The following DNAJB6 variants were observed in gnomAD, a reference collection of about 807,000 sequenced individuals.
The protein encoded by DNAJB6 is dnaJ homolog subfamily B member 6.
Under a neutral mutation model 42.7 loss-of-function variants are expected in DNAJB6, and 16 were observed. That is an observed-to-expected ratio of 0.37 (90% CI 0.25 to 0.57). DNAJB6 has a LOEUF of 0.57. DNAJB6 is among the 20% of genes least tolerant of loss of function. The pLI, the probability that DNAJB6 is intolerant of heterozygous loss-of-function variation, is 0.74. For synonymous variants in DNAJB6, 170 were observed against 163.5 expected, an observed-to-expected ratio of 1.04 and a Z score of -0.30; for missense variants, 347 against 416.8, an observed-to-expected ratio of 0.83 and a Z score of 1.46.
In DNAJB6 at chr7:157,409,848, G is replaced by T; in HGVS notation, c.745G>T (p.Ala249Ser). 4 of 1,533,534 alleles carry T rather than the reference G, an allele frequency of 2.6e-6. No homozygotes were observed. The highest frequency in any genetic ancestry group is 1.2e-5 in the South Asian group (1 of 83,842). The allele number at this position is 1,533,534 out of a possible 1,614,324, so 95.0% of individuals were successfully genotyped here. ...AEERMRRGQN[A>S]LPAQPAGLRP... ...GGAGCGCATGCGGAGAGGCCAGAAC[G>T]CCCTGCCAGCCCAGCCTGCCGGCCT... is the stretch of plus-strand genomic sequence containing the variant. The change falls in exon 9 of 10, where the codon GCC (alanine) becomes TCC (serine). Residue 249 changes from alanine (A) to serine (S), a missense_variant. Ala to Ser is a moderately conservative substitution (Grantham distance 99, BLOSUM62 1). Around this residue, in one of 3 missense-constraint regions of DNAJB6, gnomAD observed 264 missense variants for 288.0 expected, o/e 0.92. Transcript: ENST00000262177.
At chr7:157,365,109 G>T (rs1799780430) in intron 3 of DNAJB6, among the ~76,000 whole-genome samples, 1 of 152,212 alleles carries the variant, frequency 6.6e-6, no homozygotes, top group African/African-American at 2.4e-5. Context: ...GTGCCACTGT[G>T]CCCAGCTAAC....
chr7:157,385,097 A>G, intron 7 of DNAJB6, 89 bp downstream of exon 7: 1 of 1,393,724 alleles, frequency 7.2e-7, no homozygotes, highest in Non-Finnish European at 9.8e-7. Flanking sequence ...AGTGTGAAGT[A>G]GAGGTTGTTG....
In DNAJB6 at chr7:157,384,868, A is replaced by G. The variant is rs765049789; in HGVS notation, c.480A>G (p.Gly160=). 1.9e-6 allele frequency: 3 copies of G among 1,610,356 alleles called. No homozygotes were observed. The highest frequency in any genetic ancestry group is 8.5e-7 in the Non-Finnish European group (1 of 1,179,070). Reference sequence around the variant, plus strand: ...TTTTTCTTTTCTGTTTTCCTGTAGGATTTACTTCATTTGGGTCACTAGGTC... The same window carrying G: ...TTTTTCTTTTCTGTTTTCCTGTAGGGTTTACTTCATTTGGGTCACTAGGTC... ...FGSGFSSFDT[G]FTSFGSLGHG... The change falls in exon 7 of 10, where the codon GGA becomes GGG. Residue 160 remains glycine, a splice_region_variant and synonymous_variant. Coordinates refer to ENST00000262177, the MANE Select transcript of DNAJB6 (RefSeq NM_058246.4).
intron 1 of DNAJB6, among the ~76,000 whole-genome samples, chr7:157,342,688 C>G (rs929305011): frequency 2.0e-5 from 3 of 151,858 alleles, no homozygotes; most frequent in Non-Finnish European, 4.4e-5. Context: ...AACTTGTGAC[C>G]TCAATCCACC....
chr7:157,389,075 AC>A (rs1189174882), intron 8 of DNAJB6, among the ~76,000 whole-genome samples: 1 of 152,202 alleles, frequency 6.6e-6, no homozygotes, highest in Admixed American at 6.5e-5. Flanking sequence ...TGCTAAACTT[AC>A]CTGTGCACCT....
intron 6 of DNAJB6, 82 bp from the exon 7 acceptor site, chr7:157,384,785 G>A (rs1800969918): frequency 7.4e-7 from 1 of 1,342,744 alleles, no homozygotes; most frequent in African/African-American, 1.5e-5. Context: ...TAAATATTCT[G>A]CTACTGAACT....
intron 1 of DNAJB6, among the ~76,000 whole-genome samples, chr7:157,343,814 A>G (rs1798544513): frequency 6.6e-6 from 1 of 152,104 alleles, no homozygotes; most frequent in African/African-American, 2.4e-5. Context: ...GGAGAAGGTT[A>G]TTTTTGATTA....
intron 5 of DNAJB6, among the ~76,000 whole-genome samples, chr7:157,369,972 T>TTAACATCATTATTAAACAGGCCTTTCA (rs1379945835): frequency 6.1e-5 from 9 of 148,630 alleles, no homozygotes; most frequent in Non-Finnish European, 1.2e-4. Context: ...GGGCCCTTTC[T>TTAACATCATTATTAAACAGGCCTTTCA]TAACATTATT....
chr7:157,349,517 C>G (rs1450700578), intron 1 of DNAJB6, among the ~76,000 whole-genome samples: 1 of 151,812 alleles, frequency 6.6e-6, no homozygotes, highest in African/African-American at 2.4e-5. Flanking sequence ...GAGTCTTGCT[C>G]GGTCACCCAG....
At chr7:157,340,213 G>A (rs1241724636) in intron 1 of DNAJB6, among the ~76,000 whole-genome samples, 1 of 152,186 alleles carries the variant, frequency 6.6e-6, no homozygotes, top group Non-Finnish European at 1.5e-5. Context: ...GCGTTTTTTG[G>A]AAACCTTTTT....
intron 5 of DNAJB6, among the ~76,000 whole-genome samples, chr7:157,368,051 G>A (rs1368655431): frequency 1.3e-5 from 2 of 152,096 alleles, no homozygotes; most frequent in Admixed American, 6.6e-5. Context: ...ATTTCCTTGA[G>A]CCTGGGAGGT....
At chr7:157,373,692 G>A (rs961904474) in intron 5 of DNAJB6, among the ~76,000 whole-genome samples, 2 of 152,200 alleles carry the variant, frequency 1.3e-5, no homozygotes, top group African/African-American at 4.8e-5. Flanking sequence ...TAGGGGTCAA[G>A]TACAGGCATG....
chr7:157,349,656 A>AT (rs1173114989), intron 1 of DNAJB6, among the ~76,000 whole-genome samples: 29 of 151,584 alleles, frequency 1.9e-4, no homozygotes, highest in African/African-American at 1.7e-4. Context: ...TAATTATTTT[A>AT]TTTTTTGAGA....
chr7:157,342,314 C>T (rs896317790), intron 1 of DNAJB6, among the ~76,000 whole-genome samples: 10 of 146,922 alleles, frequency 6.8e-5, no homozygotes, highest in Admixed American at 2.8e-4. Flanking sequence ...ATTACAGGCA[C>T]GTGCCACTAT....
At chr7:157,385,482 A>T in intron 7 of DNAJB6, 59 bp from the exon 8 acceptor site, 1 of 1,508,328 alleles carries the variant, frequency 6.6e-7, no homozygotes. Context: ...CAACTTAGTT[A>T]CCCTCACACA....
rs575299289 is a variant in DNAJB6, at chr7:157,386,777, T to C, written c.691+1166T>C. ...CAGGCGCCTGTAATCCCAGCTACTC[T>C]GGAGGCTGAGGCAGAAGAATTGCTT... On this transcript the variant is annotated intron_variant, in intron 8 of 9. Coordinates refer to ENST00000262177, the MANE Select transcript of DNAJB6 (RefSeq NM_058246.4). 2.0e-5 allele frequency among the ~76,000 whole-genome samples: 3 copies of C among 151,662 alleles called. No homozygotes were observed. In the South Asian group the frequency reaches 6.2e-4, roughly 32 times the overall value.
chr7:157,356,067 G>A (rs1055688198), intron 1 of DNAJB6, among the ~76,000 whole-genome samples: 6 of 152,238 alleles, frequency 3.9e-5, no homozygotes, highest in African/African-American at 1.4e-4. Flanking sequence ...TGTGCTTGGT[G>A]TGTGGCACAT....
chr7:157,409,611 C>T (rs890349710), intron 8 of DNAJB6, among the ~76,000 whole-genome samples, 184 bp from the exon 9 acceptor site: 1 of 152,206 alleles, frequency 6.6e-6, no homozygotes, highest in Admixed American at 6.5e-5. Flanking sequence ...TTTTCCCACT[C>T]TTGGAGGATT....
intron 8 of DNAJB6, among the ~76,000 whole-genome samples, chr7:157,405,180 G>A (rs759250341): frequency 6.6e-6 from 1 of 152,234 alleles, no homozygotes; most frequent in Non-Finnish European, 1.5e-5. Flanking sequence ...AGGTGATGTG[G>A]CAGGAAAATT....
Sources: gnomAD v4.1 joint callset for allele counts (sites outside exome capture counted in the v4.1 genomes callset) on GRCh38, gnomAD v4.1.1 for gene constraint, gnomAD v4.1.1 regional missense constraint, MANE v1.5 for transcripts, NCBI Gene and HGNC (gene_info 2026-07-23, HGNC 2026-07-21) for gene names.